The following HMCN1 variants were observed in gnomAD, a reference collection of about 807,000 sequenced individuals.
HMCN1 encodes hemicentin 1.
HMCN1 carries 321 observed loss-of-function variants against 625.9 expected under a neutral mutation model. The ratio of observed to expected loss-of-function variants is 0.51; its 90% confidence interval spans 0.47 to 0.56. HMCN1 has a LOEUF of 0.56. Among genes scored for constraint, HMCN1 ranks in the 20% least tolerant of loss-of-function variants. HMCN1 has a pLI of 0.00. For missense variants in HMCN1, 6,588 were observed against 6,887.3 expected (o/e 0.96, Z 1.54); for synonymous variants, 2,425 against 2,417.6 (o/e 1.00, Z -0.09).
chr1:186,045,818 G>A lies in HMCN1; in HGVS notation c.6435G>A (p.Leu2145=), dbSNP rs747509922. Residue 2145 remains leucine (L), a synonymous_variant, in exon 41 of 107, where the codon CTG becomes CTA. Coordinates refer to ENST00000271588, the MANE Select transcript of HMCN1 (RefSeq NM_031935.3). ...LTWLKDGHPL[L]KKPGLSISEN... is the part of the protein sequence containing the mutation. ...GGTTAAAAGACGGCCACCCCTTGCT[G>A]AAGAAACCAGGCCTCAGTATATCTG... The A allele has an allele frequency of 2.7e-5, 44 of 1,612,806 alleles. No homozygotes were observed. Among genetic ancestry groups the A allele is most frequent in the African/African-American group, 9.3e-5 (7 of 74,874 alleles).
At chr1:185,839,890 A>C (rs1661378966) in intron 1 of HMCN1, among the ~76,000 whole-genome samples, 1 of 152,244 alleles carries the variant, frequency 6.6e-6, no homozygotes, top group Non-Finnish European at 1.5e-5. Flanking sequence ...AGTGGAACAG[A>C]ATGCTATTTA....
chr1:186,125,541 AT>A, intron 81 of HMCN1, 62 bp from the exon 82 acceptor site: 1 of 1,278,888 alleles, frequency 7.8e-7, no homozygotes, highest in Non-Finnish European at 1.1e-6. Context: ...GTTAATTTTT[AT>A]TGTGAATAAA....
intron 25 of HMCN1, 42 bp from the exon 26 acceptor site, chr1:186,000,003 T>A: frequency 7.2e-7 from 1 of 1,388,714 alleles, no homozygotes; most frequent in South Asian, 1.2e-5. Flanking sequence ...ATAATTTCTG[T>A]TTTTGTTGTA....
intron 6 of HMCN1, among the ~76,000 whole-genome samples, chr1:185,915,822 G>A (rs572474574): frequency 6.6e-5 from 10 of 152,168 alleles, no homozygotes; most frequent in African/African-American, 2.4e-4. Context: ...CTTTCCTGGT[G>A]ACTCTTATGA....
In HMCN1 at chr1:185,976,585, A is replaced by T. The variant is rs779088734; in HGVS notation, c.2372-1202A>T. 3.9e-4 allele frequency among the ~76,000 whole-genome samples: 60 copies of T among 152,290 alleles called. No homozygotes were observed. The Middle Eastern group carries it at 0.017, about 43-fold the overall frequency. ...GGGGAAGTTAATATAATCACAAAGA[A>T]TGGTGACTCCAAAGTTGAACTGACT... On this transcript the variant is annotated intron_variant, in intron 15 of 106. Transcript: ENST00000271588.
intron 83 of HMCN1, among the ~76,000 whole-genome samples, chr1:186,129,495 G>A (rs558183193): frequency 6.6e-6 from 1 of 151,884 alleles, no homozygotes; most frequent in Non-Finnish European, 1.5e-5. Flanking sequence ...TACCTAAGTA[G>A]CATACGTTTT....
At chr1:186,161,221 T>C (rs1243985588) in intron 97 of HMCN1, among the ~76,000 whole-genome samples, 2 of 150,906 alleles carry the variant, frequency 1.3e-5, no homozygotes, top group African/African-American at 4.9e-5. Flanking sequence ...AAGTCTGTTT[T>C]ATCAGAGACT....
At chr1:185,834,968 A>T (rs182445422) in intron 1 of HMCN1, among the ~76,000 whole-genome samples, 1 of 152,252 alleles carries the variant, frequency 6.6e-6, no homozygotes, top group Admixed American at 6.5e-5. Context: ...AGAGATGGGC[A>T]TTTTTCTAGA....
chr1:185,749,103 A>G (rs1285561275), intron 1 of HMCN1, among the ~76,000 whole-genome samples: 1 of 152,244 alleles, frequency 6.6e-6, no homozygotes, highest in Non-Finnish European at 1.5e-5. Context: ...AAACACCAAC[A>G]TGAAGCCTGG....
chr1:186,127,525 T>C (rs549415653), intron 82 of HMCN1, among the ~76,000 whole-genome samples: 1 of 152,176 alleles, frequency 6.6e-6, no homozygotes, highest in East Asian at 1.9e-4. Context: ...GCGAGCATAG[T>C]GTCCTGGAAA....
Position 186,125,754 on chromosome 1 carries a change from C to G in HMCN1, c.12650C>G (p.Thr4217Ser). The G allele has an allele frequency of 6.2e-7, 1 of 1,613,294 alleles. No homozygotes were observed. Among genetic ancestry groups the G allele is most frequent in the Non-Finnish European group, 8.5e-7 (1 of 1,179,408 alleles). Residue 4217 changes from threonine (T) to serine (S), a missense_variant, in exon 82 of 107, where the codon ACT becomes AGT. By Grantham distance (58) the Thr-to-Ser change is moderately conservative. Around this residue, in one of 3 missense-constraint regions of HMCN1, gnomAD observed 1,954 missense variants for 2,013.1 expected, o/e 0.97. Coordinates refer to ENST00000271588, the MANE Select transcript of HMCN1 (RefSeq NM_031935.3). ...TTAGCTAACTTGTTAGGAAAATACA[C>G]TGCTGAACCATATGGAGAACTCATT... ...VLLANLLGKY[T>S]AEPYGELILE...
intron 1 of HMCN1, among the ~76,000 whole-genome samples, chr1:185,820,216 T>C (rs1397871256): frequency 2.0e-5 from 3 of 152,204 alleles, no homozygotes; most frequent in Non-Finnish European, 1.5e-5. Context: ...GAGGTTACTT[T>C]GTCTTTATCC....
intron 4 of HMCN1, among the ~76,000 whole-genome samples, chr1:185,879,130 A>G (rs1664134212): frequency 6.6e-6 from 1 of 152,044 alleles, no homozygotes; most frequent in South Asian, 2.1e-4. Context: ...CAGTCAACCA[A>G]TCCCTTCCTT....
At chr1:185,848,164 A>C (rs1268138670) in intron 2 of HMCN1, among the ~76,000 whole-genome samples, 1 of 151,498 alleles carries the variant, frequency 6.6e-6, no homozygotes, top group African/African-American at 2.5e-5. Flanking sequence ...GTTCACTGCT[A>C]TCATTTCCTT....
chr1:185,820,623 C>T (rs1161266215), intron 1 of HMCN1, among the ~76,000 whole-genome samples: 1 of 152,066 alleles, frequency 6.6e-6, no homozygotes, highest in Non-Finnish European at 1.5e-5. Context: ...AATTTTTAAA[C>T]AGTCTAAAAT....
chr1:185,814,658 T>C (rs1253779513), intron 1 of HMCN1, among the ~76,000 whole-genome samples: 2 of 140,268 alleles, frequency 1.4e-5, no homozygotes, highest in Non-Finnish European at 1.5e-5. Flanking sequence ...AATTATTTTA[T>C]TGCACTTAAT....
At chr1:185,824,137 C>A (rs1012807281) in intron 1 of HMCN1, among the ~76,000 whole-genome samples, 1 of 152,118 alleles carries the variant, frequency 6.6e-6, no homozygotes, top group African/African-American at 2.4e-5. Flanking sequence ...TATGCTTCAG[C>A]TTGTTTAATA....
intron 4 of HMCN1, among the ~76,000 whole-genome samples, chr1:185,873,537 A>G (rs1663757402): frequency 6.6e-6 from 1 of 152,146 alleles, no homozygotes; most frequent in Admixed American, 6.6e-5. Flanking sequence ...AGCAATGATG[A>G]GACAAATAAA....
intron 16 of HMCN1, among the ~76,000 whole-genome samples, chr1:185,978,309 ATTG>A (rs1462759544): frequency 2.6e-5 from 4 of 152,254 alleles, no homozygotes; most frequent in African/African-American, 7.2e-5. Flanking sequence ...TCTTGTAACA[ATTG>A]TTGTATAGAA....
Sources: gnomAD v4.1 joint callset for allele counts (sites outside exome capture counted in the v4.1 genomes callset) on GRCh38, gnomAD v4.1.1 for gene constraint, gnomAD v4.1.1 regional missense constraint, MANE v1.5 for transcripts, NCBI Gene and HGNC (gene_info 2026-07-23, HGNC 2026-07-21) for gene names.